HSD11B1L: variants seen among roughly 807,000 people sequenced by gnomAD.
HSD11B1L encodes hydroxysteroid 11-beta dehydrogenase 1 like.
In HSD11B1L, 22 loss-of-function variants were observed where a neutral mutation model predicts 27.0. That is an observed-to-expected ratio of 0.81 (90% CI 0.58 to 1.16). The LOEUF (loss-of-function observed/expected upper bound fraction) is 1.16. Among genes scored for constraint, HSD11B1L ranks in the 50% most tolerant of loss-of-function variants. The probability of loss-of-function intolerance (pLI) is 0.00; values close to 1 mark genes in which losing one functional copy is unlikely to be tolerated. For missense variants in HSD11B1L, 372 were observed against 401.8 expected, an observed-to-expected ratio of 0.93 and a Z score of 0.63; for synonymous variants, 187 against 189.2, an observed-to-expected ratio of 0.99 and a Z score of 0.09.
intron 4 of HSD11B1L, among the ~76,000 whole-genome samples, 158 bp downstream of exon 4, chr19:5,686,685 T>C (rs1021717729): frequency 2.0e-5 from 3 of 152,108 alleles, no homozygotes; most frequent in South Asian, 2.1e-4. Context: ...TCATTGCGTC[T>C]GGGGGAAGAG....
intron 1 of HSD11B1L, chr19:5,684,093 A>G: frequency 4.3e-6 from 2 of 463,426 alleles, no homozygotes; most frequent in South Asian, 4.3e-5. Flanking sequence ...CTCCTGCCTC[A>G]GCCTCCCAAA....
chr19:5,686,823 G>A (rs2054705046), intron 4 of HSD11B1L, 77 bp from the exon 5 acceptor site: 1 of 1,232,232 alleles, frequency 8.1e-7, no homozygotes, highest in Non-Finnish European at 1.1e-6. Context: ...CGCTCTGGGT[G>A]GAGCTAAGCT....
At position 5,687,990 on chromosome 19, in the gene HSD11B1L, C is replaced by T. The variant is rs1395883532; in HGVS notation, c.*45C>T. ...CAGTCCCAGACGGCAATGTTCCTCC[C>T]TCCAACTGTCCCTGGAGCCAGAACA... On this transcript the variant is annotated 3_prime_UTR_variant, in exon 8 of 8. Coordinates refer to ENST00000339423, the MANE Select transcript of HSD11B1L (RefSeq NM_198706.3). This position sits in a 1 kb window ranked among gnomAD's most constrained non-coding sequence, Gnocchi z 6.6. 6.4e-7 allele frequency: 1 copy of T among 1,551,880 alleles called. No homozygotes were observed. The highest frequency in any genetic ancestry group is 2.0e-5 in the Admixed American group (1 of 51,116).
chr19:5,684,998 A>G lies in HSD11B1L; in HGVS notation c.83A>G (p.Gln28Arg), dbSNP rs2054651619. 1 of 1,603,176 alleles carries G rather than the reference A, an allele frequency of 6.2e-7. No individual in the cohort carries two copies. The highest frequency in any genetic ancestry group is 1.3e-5 in the African/African-American group (1 of 74,690). Residue 28 changes from glutamine (Q) to arginine (R), a missense_variant, in exon 3 of 8, where the codon CAG becomes CGG. Gln to Arg is a conservative substitution (Grantham distance 43, BLOSUM62 1). Coordinates refer to ENST00000339423, the MANE Select transcript of HSD11B1L (RefSeq NM_198706.3). ...WDDNFDPASL[Q>R]GARVLLTGAN... ...CCCCGGCTATGGCCAGCCAGCCTCCAGGGAGCGCGAGTGCTGCTGACAGGG... is the reference window on the plus strand; with the variant it reads ...CCCCGGCTATGGCCAGCCAGCCTCCGGGGAGCGCGAGTGCTGCTGACAGGG...
At position 5,687,487 on chromosome 19, in the gene HSD11B1L, C is replaced by T. The variant is rs773776026; in HGVS notation, c.503-16C>T. The T allele has an allele frequency of 6.3e-7, 1 of 1,588,274 alleles. No homozygotes were observed. The highest frequency in any genetic ancestry group is 1.7e-5 in the Admixed American group (1 of 59,110). ...ACGAGGGGGAGCCACTCAGCCGCTGCCGTCCGCGCCCCCAGGCCGCGTGCC... is the reference window on the plus strand; with the variant it reads ...ACGAGGGGGAGCCACTCAGCCGCTGTCGTCCGCGCCCCCAGGCCGCGTGCC... On this transcript the variant is annotated splice_polypyrimidine_tract_variant and intron_variant, in intron 6 of 7. Transcript: ENST00000339423. This position sits in a 1 kb window ranked among gnomAD's most constrained non-coding sequence, Gnocchi z 6.6.
In HSD11B1L at chr19:5,687,307, T is replaced by G; in HGVS notation, c.434T>G (p.Leu145Arg). 1 of 1,612,810 alleles carries G rather than the reference T, an allele frequency of 6.2e-7. No homozygotes were observed. The highest frequency in any genetic ancestry group is 8.5e-7 in the Non-Finnish European group (1 of 1,179,772). ...GTAAACTTTGTGAGCTACGTGCAAC[T>G]GACGTCGCGGGCGCTGCCCAGCCTG... ...MQVNFVSYVQ[L>R]TSRALPSLTD... Residue 145 changes from leucine to arginine, a missense_variant, in exon 6 of 8, where the codon CTG becomes CGG. Physicochemically the swap from Leu to Arg is moderately radical, Grantham distance 102. Transcript: ENST00000339423. This position sits in a 1 kb window ranked among gnomAD's most constrained non-coding sequence, Gnocchi z 6.6.
rs917569976 is a variant in HSD11B1L at position 5,686,429 on chromosome 19, G to T, written c.218G>T (p.Cys73Phe). 1.9e-6 allele frequency: 3 copies of T among 1,575,562 alleles called. No individual in the cohort carries two copies. Among genetic ancestry groups the T allele is most frequent in the Admixed American group, 1.9e-5 (1 of 52,384 alleles). Reference sequence around the variant, plus strand: ...GGCCCCCCCCAGGTGGTAGGGAACTGCCGGAAGCTGGGCGCCCCCAAGGTC... The same window carrying T: ...GGCCCCCCCCAGGTGGTAGGGAACTTCCGGAAGCTGGGCGCCCCCAAGGTC... The part of the protein sequence containing the change: ...EALLQKVVGN[C>F]RKLGAPKVFY... Residue 73 changes from cysteine (C) to phenylalanine (F), a missense_variant, in exon 4 of 8, where the codon TGC becomes TTC. By Grantham distance (205) the Cys-to-Phe change is radical (BLOSUM62 -2). Transcript: ENST00000339423.
At chr19:5,684,393 T>C (rs2054632903) in intron 1 of HSD11B1L, 1 of 344,302 alleles carries the variant, frequency 2.9e-6, no homozygotes. Flanking sequence ...AACAGCATTC[T>C]AGGCAGTAGG....
Position 5,687,011 on chromosome 19 carries a change from C to T in HSD11B1L, c.408+20C>T, listed in dbSNP as rs761110049. The T allele has an allele frequency of 1.8e-4, 279 of 1,524,798 alleles. No individual in the cohort carries two copies. Among genetic ancestry groups the T allele is most frequent in the Non-Finnish European group, 2.4e-4 (273 of 1,131,996 alleles). The allele number at this position is 1,524,798 out of a possible 1,614,324, so 94.5% of individuals were successfully genotyped here. A position where few individuals can be genotyped will look rare whatever the true frequency, so the allele number is the denominator to read the frequency against. ...ATGCAGGTGCTCCGCTCCTCCGCGG[C>T]CCCGGCCCGCCCCTCTATCTCAGGG... On this transcript the variant is annotated intron_variant, in intron 5 of 7. Transcript: ENST00000339423. The surrounding 1 kb of genome is among the most constrained non-coding windows in gnomAD (Gnocchi z 6.6).
chr19:5,686,301 G>C (rs1459126581), intron 3 of HSD11B1L, 115 bp from the exon 4 acceptor site: 1 of 706,128 alleles, frequency 1.4e-6, no homozygotes, highest in Non-Finnish European at 2.3e-6. Flanking sequence ...TGGGTCCCGA[G>C]GCTCAGAGTA....
At position 5,685,836 on chromosome 19, in the gene HSD11B1L, A is replaced by G. The variant is rs1364160946; in HGVS notation, c.205-580A>G. Among the ~76,000 whole-genome samples, 1 of 151,732 alleles carries G rather than the reference A, an allele frequency of 6.6e-6. No homozygotes were observed. The stretch of plus-strand genomic sequence containing the variant: ...GGAGAATCACTTGAACCCCGGAGGC[A>G]GAGGTTGCAGTGAGCCGAGATCGCA... On this transcript the variant is annotated intron_variant, in intron 3 of 7. Transcript: ENST00000339423. This position sits in a 1 kb window ranked among gnomAD's most constrained non-coding sequence, Gnocchi z 4.3.
At position 5,687,194 on chromosome 19, in the gene HSD11B1L, C is replaced by G; in HGVS notation, c.409-88C>G. 6.9e-7 allele frequency: 1 copy of G among 1,442,878 alleles called. No homozygotes were observed. 89.4% of individuals were successfully genotyped at this position (1,442,878 alleles called of 1,614,324 possible). A position where few individuals can be genotyped will look rare whatever the true frequency, so the allele number is the denominator to read the frequency against. On this transcript the variant is annotated intron_variant, in intron 5 of 7. Coordinates refer to ENST00000339423, the MANE Select transcript of HSD11B1L (RefSeq NM_198706.3). The surrounding 1 kb of genome is among the most constrained non-coding windows in gnomAD (Gnocchi z 6.6). Reference sequence around the variant, plus strand: ...TCCGGGTTTCTGGCCCCGTCTCTGACCCGGCCCTGGCCCCGCCCTCTGGGT... The same window carrying G: ...TCCGGGTTTCTGGCCCCGTCTCTGAGCCGGCCCTGGCCCCGCCCTCTGGGT...
chr19:5,684,465 G>T (rs1201596002), intron 1 of HSD11B1L: 3 of 422,510 alleles, frequency 7.1e-6, no homozygotes, highest in Admixed American at 4.0e-5. Flanking sequence ...GAACAGCGAA[G>T]GGTCTGTTTT....
Position 5,684,693 on chromosome 19 carries a change from G to A in HSD11B1L, c.-14-126G>A, listed in dbSNP as rs1397515200. 4.0e-6 allele frequency: 6 copies of A among 1,486,744 alleles called. No homozygotes were observed. The African/African-American group carries it at 5.6e-5, about 14-fold the overall frequency. The allele number at this position is 1,486,744 out of a possible 1,614,324, so 92.1% of individuals were successfully genotyped here. On this transcript the variant is annotated intron_variant, in intron 1 of 7. Transcript: ENST00000339423. ...GGAGCCACCGTGGTGGCCTGGACAG[G>A]TGGTGGCTGTGGAGGTGGATAGGAA...
At position 5,686,916 on chromosome 19, in the gene HSD11B1L, C is replaced by A; in HGVS notation, c.333C>A (p.Leu111=). The A allele has an allele frequency of 1.3e-6, 2 of 1,552,476 alleles. No individual in the cohort carries two copies. Among genetic ancestry groups the A allele is most frequent in the Non-Finnish European group, 1.7e-6 (2 of 1,148,632 alleles). The change falls in exon 5 of 8, where the codon CTC becomes CTA. Residue 111 remains leucine, a synonymous_variant. Coordinates refer to ENST00000339423, the MANE Select transcript of HSD11B1L (RefSeq NM_198706.3). ...CTGGGCCAGGCGGGCTGGACTACCT[C>A]GTGCTGAACCACATCGGCGGCGCCC... is the stretch of plus-strand genomic sequence containing the variant. ...ALDKLGGLDY[L]VLNHIGGAPA...
rs1230276319 is a variant in HSD11B1L, at chr19:5,687,313, C to G, written c.440C>G (p.Ser147Trp). 1.9e-6 allele frequency: 3 copies of G among 1,612,728 alleles called. No individual in the cohort carries two copies. The Admixed American group carries it at 5.0e-5, about 27-fold the overall frequency. The part of the protein sequence containing the change: ...VNFVSYVQLT[S>W]RALPSLTDSK... ...TTTGTGAGCTACGTGCAACTGACGTCGCGGGCGCTGCCCAGCCTGACGGAC... is the reference window on the plus strand; with the variant it reads ...TTTGTGAGCTACGTGCAACTGACGTGGCGGGCGCTGCCCAGCCTGACGGAC... The change falls in exon 6 of 8, where the codon TCG (serine) becomes TGG (tryptophan). Residue 147 changes from serine to tryptophan, a missense_variant. Ser to Trp is a radical substitution (Grantham distance 177, BLOSUM62 -3). Transcript: ENST00000339423. The surrounding 1 kb of genome is among the most constrained non-coding windows in gnomAD (Gnocchi z 6.6).
Position 5,687,334 on chromosome 19 carries a change from C to T in HSD11B1L, c.461C>T (p.Thr154Met). The change falls in exon 6 of 8, where the codon ACG becomes ATG. Residue 154 changes from threonine to methionine, a missense_variant. Physicochemically the swap from Thr to Met is moderately conservative, Grantham distance 81 (BLOSUM62 -1). Coordinates refer to ENST00000339423, the MANE Select transcript of HSD11B1L (RefSeq NM_198706.3). This position sits in a 1 kb window ranked among gnomAD's most constrained non-coding sequence, Gnocchi z 6.6. Reference protein sequence around the residue: ...QLTSRALPSLTDSKGSLVVVS... With the variant: ...QLTSRALPSLMDSKGSLVVVS... ...ACGTCGCGGGCGCTGCCCAGCCTGA[C>T]GGACAGCAAGGGCTCCCTGGTGGTG... The T allele has an allele frequency of 1.2e-6, 2 of 1,612,904 alleles. No homozygotes were observed. Among genetic ancestry groups the T allele is most frequent in the Non-Finnish European group, 1.7e-6 (2 of 1,179,788 alleles).
At chr19:5,683,541 T>A (rs2054610916) in intron 1 of HSD11B1L, among the ~76,000 whole-genome samples, 1 of 152,180 alleles carries the variant, frequency 6.6e-6, no homozygotes, top group Non-Finnish European at 1.5e-5. Flanking sequence ...TCCATTTCCT[T>A]CCTGCCCTTA....
intron 1 of HSD11B1L, among the ~76,000 whole-genome samples, chr19:5,684,580 G>A (rs976512031): frequency 9.2e-5 from 14 of 151,700 alleles, no homozygotes; most frequent in Admixed American, 5.2e-4. Context: ...TTCAGTCCAG[G>A]AGAGGCAAGG....
Sources: allele counts gnomAD v4.1 joint callset (sites outside exome capture counted in the v4.1 genomes callset), GRCh38; gene constraint gnomAD v4.1.1; non-coding constraint Gnocchi (gnomAD v3.1); transcripts MANE v1.5; gene names NCBI Gene and HGNC (gene_info 2026-07-23, HGNC 2026-07-21).